Variants in MRTFA observed in about 807,000 individuals in gnomAD.
MRTFA encodes myocardin-related transcription factor A.
A neutral mutation model predicts 83.5 loss-of-function variants in MRTFA; 20 were observed. The observed-to-expected ratio is 0.24, with a 90% CI of 0.17 to 0.35. MRTFA has a LOEUF of 0.35. Ranked by LOEUF, MRTFA falls within the 10% of genes least tolerant of loss-of-function variation. MRTFA has a pLI of 1.00. For synonymous variants in MRTFA, 659 were observed against 541.2 expected, an observed-to-expected ratio of 1.22 and a Z score of -3.02; for missense variants, 1,200 against 1,224.7, an observed-to-expected ratio of 0.98 and a Z score of 0.30.
chr22:40,463,083 A>G (rs1457310382), intron 4 of MRTFA, 138 bp downstream of exon 4: 5 of 749,930 alleles, frequency 6.7e-6, no homozygotes, highest in Non-Finnish European at 9.2e-6. Context: ...CTAAACTTGG[A>G]AAGTCATGAG....
chr22:40,471,029 T>C (rs1157757951), intron 3 of MRTFA, among the ~76,000 whole-genome samples: 1 of 151,292 alleles, frequency 6.6e-6, no homozygotes, highest in Non-Finnish European at 1.5e-5. Flanking sequence ...AAGAACAAAA[T>C]TGATAAACCT....
Position 40,585,278 on chromosome 22 carries a change from T to G in MRTFA, c.-22+9396A>C, listed in dbSNP as rs1045265854. Among the ~76,000 whole-genome samples, 9 of 152,334 alleles carry G rather than the reference T, an allele frequency of 5.9e-5. No homozygotes were observed. In the East Asian group the frequency reaches 1.7e-3, roughly 29 times the overall value. ...CTTGTATGTAAAACATTATATAAAC[T>G]TTTTTAAAAATCACATAGGCTAAAT... On this transcript the variant is annotated intron_variant, in intron 2 of 14. Transcript: ENST00000355630.
intron 3 of MRTFA, chr22:40,526,394 G>C (rs557198864): frequency 7.9e-5 from 12 of 152,280 alleles, no homozygotes; most frequent in African/African-American, 2.9e-4. Context: ...AGGCTACTCA[G>C]GGAAACGTGC....
chr22:40,525,180 C>A (rs555239596), intron 3 of MRTFA, among the ~76,000 whole-genome samples: 1 of 152,064 alleles, frequency 6.6e-6, no homozygotes, highest in Non-Finnish European at 1.5e-5. Context: ...ACAGGAAAAC[C>A]CAAAAGATGG....
At chr22:40,586,906 C>CTGCTGG (rs1282850715) in intron 2 of MRTFA, 6 of 327,550 alleles carry the variant, frequency 1.8e-5, no homozygotes, top group African/African-American at 7.2e-5. Context: ...GCTGCTGGTG[C>CTGCTGG]TGCTGGTGCT....
At chr22:40,429,493 G>A in intron 7 of MRTFA, 113 bp downstream of exon 7, 1 of 1,247,428 alleles carries the variant, frequency 8.0e-7, no homozygotes, top group Non-Finnish European at 1.2e-6. Context: ...GGCTAAGCAG[G>A]AAGTCAAAGA....
At chr22:40,489,949 G>A (rs2054243504) in intron 3 of MRTFA, among the ~76,000 whole-genome samples, 1 of 106,442 alleles carries the variant, frequency 9.4e-6, no homozygotes, top group Admixed American at 1.4e-4. Flanking sequence ...TCCAGTCTGG[G>A]AGACAAAGCA....
chr22:40,436,548 C>T (rs761300610), intron 4 of MRTFA, among the ~76,000 whole-genome samples: 3 of 152,184 alleles, frequency 2.0e-5, no homozygotes, highest in Admixed American at 1.3e-4. Flanking sequence ...CCACAAGTCT[C>T]GACTTCTGCA....
chr22:40,620,692 T>A (rs2056512266), intron 1 of MRTFA, among the ~76,000 whole-genome samples: 1 of 152,046 alleles, frequency 6.6e-6, no homozygotes, highest in Non-Finnish European at 1.5e-5. Context: ...GTGTGACTCA[T>A]GAATTCCTTC....
At chr22:40,502,445 CCCA>C (rs1249939716) in intron 3 of MRTFA, among the ~76,000 whole-genome samples, 2 of 131,682 alleles carry the variant, frequency 1.5e-5, no homozygotes, top group African/African-American at 2.9e-5. Context: ...AGAGGCGCTC[CCCA>C]CATCTCAGAC....
chr22:40,587,895 T>C (rs1003266919), intron 2 of MRTFA: 4 of 424,440 alleles, frequency 9.4e-6, no homozygotes, highest in Admixed American at 3.3e-5. Context: ...AAGTTCACAA[T>C]ATCTGGTGGA....
chr22:40,420,166 CCAA>C (rs1361721712), intron 11 of MRTFA, among the ~76,000 whole-genome samples: 1 of 152,204 alleles, frequency 6.6e-6, no homozygotes, highest in East Asian at 1.9e-4. Flanking sequence ...GGCTGTGCTG[CCAA>C]CAACAGGAAC....
At chr22:40,500,367 A>T (rs2147220695) in intron 3 of MRTFA, among the ~76,000 whole-genome samples, 16 of 122,474 alleles carry the variant, frequency 1.3e-4, no homozygotes, top group Admixed American at 2.4e-4. Context: ...TTAACATTTC[A>T]TTTTTTATTT....
chr22:40,572,736 A>C (rs1193273313), intron 2 of MRTFA, among the ~76,000 whole-genome samples: 1 of 152,216 alleles, frequency 6.6e-6, no homozygotes, highest in East Asian at 1.9e-4. Context: ...CGCGTCTTAC[A>C]TGGATGGCAG....
At chr22:40,603,335 G>T (rs1474431965) in intron 1 of MRTFA, among the ~76,000 whole-genome samples, 1 of 152,038 alleles carries the variant, frequency 6.6e-6, no homozygotes, top group Non-Finnish European at 1.5e-5. Context: ...AATCTTAAAG[G>T]CCTGTAATTT....
chr22:40,630,193 G>A (rs2056627568), intron 1 of MRTFA, among the ~76,000 whole-genome samples: 1 of 151,930 alleles, frequency 6.6e-6, no homozygotes, highest in African/African-American at 2.4e-5. Flanking sequence ...GCACATACCT[G>A]TAATCCCAGC....
At chr22:40,514,307 C>T (rs1228314096) in intron 3 of MRTFA, among the ~76,000 whole-genome samples, 1 of 151,810 alleles carries the variant, frequency 6.6e-6, no homozygotes, top group East Asian at 1.9e-4. Flanking sequence ...AAAAGAGAAA[C>T]CTCTGATTCA....
intron 4 of MRTFA, among the ~76,000 whole-genome samples, chr22:40,459,822 C>CATATATATATAT (rs1284924516): frequency 2.3e-4 from 16 of 68,224 alleles, no homozygotes; most frequent in Middle Eastern, 6.3e-3. Context: ...CACACACACA[C>CATATATATATAT]ATATATACAT....
intron 4 of MRTFA, among the ~76,000 whole-genome samples, chr22:40,461,204 C>CA (rs55733153): frequency 0.038 from 1,911 of 50,064 alleles, 94 homozygotes; most frequent in Non-Finnish European, 0.046. Context: ...GAACTTGTCT[C>CA]AAAAAAAAAA....
Sources: allele counts gnomAD v4.1 joint callset (sites outside exome capture counted in the v4.1 genomes callset), GRCh38; gene constraint gnomAD v4.1.1; transcripts MANE v1.5; gene names NCBI Gene and HGNC (gene_info 2026-07-23, HGNC 2026-07-21).